Variants in POU2F1 observed in about 807,000 individuals in gnomAD.
The protein encoded by POU2F1 is POU domain, class 2, transcription factor 1.
In POU2F1, 16 loss-of-function variants were observed where a neutral mutation model predicts 84.9. The observed-to-expected ratio is 0.19, with a 90% CI of 0.13 to 0.29. POU2F1 has a LOEUF of 0.29. Among genes scored for constraint, POU2F1 ranks in the 10% least tolerant of loss-of-function variants. The pLI is 1.00. For synonymous variants in POU2F1, 368 were observed against 368.3 expected (o/e 1.00, Z 0.01); for missense variants, 738 against 942.6 (o/e 0.78, Z 2.84).
chr1:167,242,435 A>G (rs946573096), intron 1 of POU2F1, among the ~76,000 whole-genome samples: 1 of 152,206 alleles, frequency 6.6e-6, no homozygotes, highest in African/African-American at 2.4e-5. Context: ...CTGGTACTTG[A>G]AAAACATGGT....
At chr1:167,351,376 G>A (rs1571348640) in intron 2 of POU2F1, among the ~76,000 whole-genome samples, 2 of 151,882 alleles carry the variant, frequency 1.3e-5, no homozygotes, top group African/African-American at 4.8e-5. Flanking sequence ...AAATTAGCTG[G>A]GTATGGTGGC....
chr1:167,318,323 C>A (rs1424417773), intron 1 of POU2F1, among the ~76,000 whole-genome samples: 2 of 152,170 alleles, frequency 1.3e-5, no homozygotes, highest in Non-Finnish European at 2.9e-5. Context: ...ATACTTCTTA[C>A]CATTTCTACC....
chr1:167,233,156 A>G (rs34395308), intron 1 of POU2F1, among the ~76,000 whole-genome samples: 1,852 of 147,838 alleles, frequency 0.013, 16 homozygotes, highest in South Asian at 0.039. Flanking sequence ...TTTTTTTTTA[A>G]GTAGGGTCTA....
intron 3 of POU2F1, among the ~76,000 whole-genome samples, chr1:167,366,650 C>T (rs554292924): frequency 5.9e-5 from 9 of 152,180 alleles, no homozygotes; most frequent in South Asian, 4.2e-4. Flanking sequence ...AGGCACATAG[C>T]TTCGTTTATA....
intron 3 of POU2F1, among the ~76,000 whole-genome samples, chr1:167,365,957 A>T: frequency 6.6e-6 from 1 of 152,156 alleles, no homozygotes; most frequent in East Asian, 1.9e-4. Context: ...CTGTCCTCTA[A>T]AACAGTTCCA....
intron 1 of POU2F1, among the ~76,000 whole-genome samples, chr1:167,278,654 T>C (rs1285927720): frequency 3.9e-5 from 6 of 152,214 alleles, no homozygotes; most frequent in African/African-American, 1.4e-4. Flanking sequence ...CTGTTCAGAT[T>C]GTCTGGGAAC....
chr1:167,337,214 C>T (rs938002896), intron 2 of POU2F1, among the ~76,000 whole-genome samples: 1 of 150,538 alleles, frequency 6.6e-6, no homozygotes, highest in Non-Finnish European at 1.5e-5. Flanking sequence ...GTACTCCCAG[C>T]TGCTTGGGGG....
Position 167,287,022 on chromosome 1 carries a change from A to G in POU2F1, c.62-45448A>G, listed in dbSNP as rs570918922. 2.6e-5 allele frequency among the ~76,000 whole-genome samples: 4 copies of G among 152,288 alleles called. No homozygotes were observed. In the East Asian group the frequency reaches 7.7e-4, roughly 29 times the overall value. ...ACTCCAGAGCTTTGTGTTGTACTGG[A>G]TCTTCTCGAGAAAAGGCTGGATTTT... is the stretch of plus-strand genomic sequence containing the variant. On this transcript the variant is annotated intron_variant, in intron 1 of 15. Transcript: ENST00000367866.
chr1:167,322,583 C>T (rs954851670), intron 1 of POU2F1, among the ~76,000 whole-genome samples: 4 of 152,190 alleles, frequency 2.6e-5, no homozygotes, highest in Admixed American at 6.5e-5. Context: ...TGGCCTGAGC[C>T]AGAAATGCCC....
chr1:167,336,683 A>C (rs1169293647), intron 2 of POU2F1, among the ~76,000 whole-genome samples: 3 of 152,216 alleles, frequency 2.0e-5, no homozygotes, highest in African/African-American at 7.2e-5. Flanking sequence ...CACTGCAGCT[A>C]CACCAGCAGA....
chr1:167,412,114 ACCACCT>A lies in POU2F1; in HGVS notation c.1716_1721del (p.Ser573_Thr574del). The A allele has an allele frequency of 1.2e-6, 2 of 1,614,080 alleles. No individual in the cohort carries two copies. On this transcript the variant is annotated inframe_deletion, in exon 14 of 16. Coordinates refer to ENST00000367866, the MANE Select transcript of POU2F1 (RefSeq NM_002697.4). ...TGCCAGTGAGACCAGCACAACACAGACCACCTCCACTCCTTTGTCCTCCCCTCTTGG... is the reference window on the plus strand; with the variant it reads ...TGCCAGTGAGACCAGCACAACACAGACCACTCCTTTGTCCTCCCCTCTTGG...
chr1:167,403,454 A>G (rs1649345843), intron 13 of POU2F1, among the ~76,000 whole-genome samples: 1 of 152,198 alleles, frequency 6.6e-6, no homozygotes, highest in African/African-American at 2.4e-5. Context: ...GTCAGTGTCA[A>G]GTGGGTTTTC....
chr1:167,310,529 G>T (rs1407915552), intron 1 of POU2F1, among the ~76,000 whole-genome samples: 1 of 151,914 alleles, frequency 6.6e-6, no homozygotes, highest in African/African-American at 2.4e-5. Flanking sequence ...AGTAAATTCT[G>T]AGGCCAAAAA....
chr1:167,381,413 T>A (rs955956567), intron 7 of POU2F1, among the ~76,000 whole-genome samples: 3 of 152,012 alleles, frequency 2.0e-5, no homozygotes, highest in Non-Finnish European at 4.4e-5. Flanking sequence ...GTTCTAAACC[T>A]CTATGGGCCC....
intron 1 of POU2F1, among the ~76,000 whole-genome samples, chr1:167,231,749 A>G (rs764024995): frequency 6.6e-6 from 1 of 152,204 alleles, no homozygotes; most frequent in Non-Finnish European, 1.5e-5. Flanking sequence ...GAAGTACCCC[A>G]GGAGCATAAG....
At chr1:167,295,653 T>A (rs1380820649) in intron 1 of POU2F1, among the ~76,000 whole-genome samples, 1 of 152,210 alleles carries the variant, frequency 6.6e-6, no homozygotes, top group African/African-American at 2.4e-5. Context: ...TATTGAAATT[T>A]TAAAAGACAT....
chr1:167,385,523 C>T (rs1406727101), intron 8 of POU2F1, among the ~76,000 whole-genome samples: 3 of 151,846 alleles, frequency 2.0e-5, no homozygotes, highest in Non-Finnish European at 4.4e-5. Context: ...ATGTATATGG[C>T]CAACTGATTT....
intron 11 of POU2F1, among the ~76,000 whole-genome samples, chr1:167,398,557 C>G (rs1423677540): frequency 6.6e-6 from 1 of 152,080 alleles, no homozygotes; most frequent in Non-Finnish European, 1.5e-5. Context: ...GTCTGTATGC[C>G]TGGAATAGTA....
intron 1 of POU2F1, among the ~76,000 whole-genome samples, chr1:167,221,823 C>G (rs1387802007): frequency 6.6e-6 from 1 of 151,928 alleles, no homozygotes; most frequent in Non-Finnish European, 1.5e-5. Flanking sequence ...TGCGTGCCCC[C>G]CCTGGGGGGT....
Sources: allele counts gnomAD v4.1 joint callset (sites outside exome capture counted in the v4.1 genomes callset), GRCh38; gene constraint gnomAD v4.1.1; transcripts MANE v1.5; gene names NCBI Gene and HGNC (gene_info 2026-07-23, HGNC 2026-07-21).